RAB3IP: variants seen among roughly 807,000 people sequenced by gnomAD.
RAB3IP encodes the protein rab-3A-interacting protein.
In RAB3IP, 36 loss-of-function variants were observed where a neutral mutation model predicts 59.1. The ratio of observed to expected loss-of-function variants is 0.61; its 90% CI spans 0.47 to 0.80. The LOEUF is 0.80. Ranked by LOEUF, RAB3IP falls within the 30% of genes least tolerant of loss-of-function variation. RAB3IP has a pLI of 0.00. For synonymous variants in RAB3IP, 207 were observed against 191.2 expected, an observed-to-expected ratio of 1.08 and a Z score of -0.68; for missense variants, 511 against 536.0, an observed-to-expected ratio of 0.95 and a Z score of 0.46.
intron 3 of RAB3IP, among the ~76,000 whole-genome samples, chr12:69,771,729 G>A (rs955592045): frequency 6.6e-6 from 1 of 152,238 alleles, no homozygotes; most frequent in South Asian, 2.1e-4. Context: ...ACTGTTGTCT[G>A]TAATGGCTGT....
At chr12:69,789,917 T>C (rs1012881878) in intron 4 of RAB3IP, among the ~76,000 whole-genome samples, 4 of 152,080 alleles carry the variant, frequency 2.6e-5, no homozygotes, top group Admixed American at 6.6e-5. Flanking sequence ...AAAATAGATA[T>C]AGGAACTTAC....
rs1191806528 is a variant in RAB3IP, at chr12:69,816,825, G to T, written c.*1379G>T. ...ATAACATTTTTTTCAGTCCTGTTCA[G>T]AGGTTTGGTCAATCTTACCTGTAGA... On this transcript the variant is annotated 3_prime_UTR_variant, in exon 11 of 11. Transcript: ENST00000247833. The T allele has an allele frequency of 6.6e-6, 1 of 152,188 alleles. No individual in the cohort carries two copies. Among genetic ancestry groups the T allele is most frequent in the Non-Finnish European group, 1.5e-5 (1 of 68,036 alleles). 9.4% of individuals were successfully genotyped at this position (152,188 alleles called of 1,614,324 possible). A position where few individuals can be genotyped will look rare whatever the true frequency, so the allele number is the denominator to read the frequency against.
At chr12:69,766,485 G>GT (rs1292136756) in intron 3 of RAB3IP, among the ~76,000 whole-genome samples, 4 of 150,532 alleles carry the variant, frequency 2.7e-5, no homozygotes, top group Non-Finnish European at 4.4e-5. Flanking sequence ...CCTTACGTCA[G>GT]TTTTTTGGTT....
At chr12:69,811,259 G>T (rs1880412329) in intron 8 of RAB3IP, among the ~76,000 whole-genome samples, 2 of 152,092 alleles carry the variant, frequency 1.3e-5, no homozygotes, top group South Asian at 4.1e-4. Flanking sequence ...AGAGGGAGAA[G>T]ATCAGGAAGA....
At chr12:69,807,752 A>C (rs1178572066) in intron 8 of RAB3IP, among the ~76,000 whole-genome samples, 2 of 128,784 alleles carry the variant, frequency 1.6e-5, no homozygotes, top group East Asian at 4.9e-4. Context: ...CACTTCCCAG[A>C]TGGGGCGGCT....
At chr12:69,750,923 T>G (rs1869180841) in intron 1 of RAB3IP, among the ~76,000 whole-genome samples, 1 of 152,162 alleles carries the variant, frequency 6.6e-6, no homozygotes, top group Admixed American at 6.5e-5. Context: ...TTTTAATAGC[T>G]ATTTAAATAA....
chr12:69,747,400 G>T (rs963357277), intron 1 of RAB3IP, among the ~76,000 whole-genome samples: 1 of 150,064 alleles, frequency 6.7e-6, no homozygotes, highest in Non-Finnish European at 1.5e-5. Flanking sequence ...ATCACAGTTC[G>T]CTATAGCCTC....
At chr12:69,794,381 C>T (rs1361207634) in intron 4 of RAB3IP, 56 bp from the exon 5 acceptor site, 1 of 1,462,462 alleles carries the variant, frequency 6.8e-7, no homozygotes, top group Admixed American at 1.8e-5. Flanking sequence ...TTGGCAAGAA[C>T]TTTTTGAAAA....
chr12:69,753,946 C>G (rs1869745747), intron 1 of RAB3IP, among the ~76,000 whole-genome samples: 1 of 152,062 alleles, frequency 6.6e-6, no homozygotes, highest in South Asian at 2.1e-4. Context: ...TTATGGAGAA[C>G]CTGAAGCATA....
intron 3 of RAB3IP, among the ~76,000 whole-genome samples, chr12:69,779,951 C>G (rs993716944): frequency 1.3e-5 from 2 of 152,176 alleles, no homozygotes; most frequent in African/African-American, 4.8e-5. Context: ...TTATTCAAGT[C>G]TTTGCAGTGT....
intron 6 of RAB3IP, chr12:69,795,720 GAT>G: frequency 3.2e-6 from 1 of 314,356 alleles, no homozygotes; most frequent in Non-Finnish European, 5.8e-6. Context: ...TTTTCTTAAA[GAT>G]CAATACATTG....
At chr12:69,795,429 C>G in intron 6 of RAB3IP, 85 bp downstream of exon 6, 3 of 1,148,918 alleles carry the variant, frequency 2.6e-6, no homozygotes, top group Non-Finnish European at 3.9e-6. Flanking sequence ...TTTTTGCCAG[C>G]AAAATTTTTA....
intron 1 of RAB3IP, among the ~76,000 whole-genome samples, chr12:69,749,329 A>G (rs1281921901): frequency 2.6e-5 from 4 of 152,260 alleles, no homozygotes; most frequent in Non-Finnish European, 5.9e-5. Context: ...GAGGTGGAAC[A>G]GTTTCATCCC....
chr12:69,757,635 A>G (rs956932649), intron 3 of RAB3IP, among the ~76,000 whole-genome samples: 6 of 151,404 alleles, frequency 4.0e-5, no homozygotes, highest in South Asian at 2.1e-4. Flanking sequence ...GTAATATCCA[A>G]CCTACCATGA....
intron 4 of RAB3IP, 119 bp from the exon 5 acceptor site, chr12:69,794,318 A>G: frequency 1.4e-6 from 1 of 723,964 alleles, no homozygotes; most frequent in Admixed American, 2.6e-5. Context: ...GACATTGAAT[A>G]CTTAACTTCA....
At chr12:69,811,143 C>A (rs7315632) in intron 8 of RAB3IP, among the ~76,000 whole-genome samples, 114,856 of 152,022 alleles carry the variant, frequency 0.76, 43,563 homozygotes, top group East Asian at 0.88. Flanking sequence ...CAGAAAACCA[C>A]ATGCTGCCTG....
At chr12:69,808,102 G>A (rs929196911) in intron 8 of RAB3IP, among the ~76,000 whole-genome samples, 1 of 152,130 alleles carries the variant, frequency 6.6e-6, no homozygotes, top group East Asian at 1.9e-4. Flanking sequence ...CTTTGTTCTC[G>A]TTGGTTTCAA....
At chr12:69,811,965 T>C (rs1307021656) in intron 8 of RAB3IP, 1 of 152,208 alleles carries the variant, frequency 6.6e-6, no homozygotes, top group Non-Finnish European at 1.5e-5. Flanking sequence ...GATAGTTGTA[T>C]TGAGCCAGGT....
intron 1 of RAB3IP, among the ~76,000 whole-genome samples, chr12:69,747,600 C>T (rs972822366): frequency 2.0e-5 from 3 of 152,198 alleles, no homozygotes; most frequent in African/African-American, 7.2e-5. Flanking sequence ...TGTGCCTGAC[C>T]TGTCATCTCC....
Sources: allele counts gnomAD v4.1 joint callset (sites outside exome capture counted in the v4.1 genomes callset), GRCh38; gene constraint gnomAD v4.1.1; transcripts MANE v1.5; gene names NCBI Gene and HGNC (gene_info 2026-07-23, HGNC 2026-07-21).